ADIPOR2: variants seen among roughly 807,000 people sequenced by gnomAD.
The protein encoded by ADIPOR2 is adiponectin receptor protein 2.
ADIPOR2 carries 18 observed loss-of-function variants against 40.9 expected under a neutral mutation model. The observed-to-expected ratio is 0.44, with a 90% CI of 0.30 to 0.65. ADIPOR2 has a LOEUF of 0.65. Ranked by LOEUF, ADIPOR2 falls within the 30% of genes least tolerant of loss-of-function variation. The pLI, the probability that ADIPOR2 is intolerant of heterozygous loss-of-function variation, is 0.09. For synonymous variants in ADIPOR2, 165 were observed against 166.4 expected, an observed-to-expected ratio of 0.99 and a Z score of 0.06; for missense variants, 283 against 479.2, an observed-to-expected ratio of 0.59 and a Z score of 3.82.
intron 1 of ADIPOR2, among the ~76,000 whole-genome samples, chr12:1,700,051 A>C (rs2154441327): frequency 6.6e-6 from 1 of 152,362 alleles, no homozygotes; most frequent in Middle Eastern, 3.4e-3. Context: ...TTTTAATGGA[A>C]GACTACAACA....
chr12:1,732,343 C>G (rs927329908), intron 1 of ADIPOR2, among the ~76,000 whole-genome samples: 3 of 152,212 alleles, frequency 2.0e-5, no homozygotes, highest in Non-Finnish European at 2.9e-5. Context: ...CTGCCAACCA[C>G]TGATCTTTTT....
At chr12:1,697,939 T>A (rs1463179349) in intron 1 of ADIPOR2, 1 of 152,338 alleles carries the variant, frequency 6.6e-6, no homozygotes, top group Non-Finnish European at 1.5e-5. Context: ...GGATTTGTAG[T>A]GTATATAGTA....
intron 2 of ADIPOR2, chr12:1,757,655 A>G (rs1862167329): frequency 3.1e-6 from 4 of 1,294,646 alleles, no homozygotes; most frequent in African/African-American, 2.9e-5. Context: ...CTCACTTTGT[A>G]TTTGGCCTCC....
intron 1 of ADIPOR2, among the ~76,000 whole-genome samples, chr12:1,730,546 G>A (rs1486678870): frequency 1.3e-5 from 2 of 151,040 alleles, no homozygotes; most frequent in South Asian, 2.1e-4. Context: ...GAACCCAGGA[G>A]GCGGAGCTTG....
chr12:1,730,565 C>A (rs1194977845), intron 1 of ADIPOR2, among the ~76,000 whole-genome samples: 1 of 148,388 alleles, frequency 6.7e-6, no homozygotes, highest in Admixed American at 6.9e-5. Context: ...TGCAGTGAGC[C>A]GAGATAGTGC....
chr12:1,757,467 C>G, intron 2 of ADIPOR2: 1 of 727,180 alleles, frequency 1.4e-6, no homozygotes, highest in Admixed American at 1.9e-5. Flanking sequence ...CAGGTTAGCA[C>G]CTACAGTCAC....
intron 1 of ADIPOR2, among the ~76,000 whole-genome samples, chr12:1,709,521 G>GA (rs1451874926): frequency 1.3e-5 from 2 of 152,030 alleles, no homozygotes; most frequent in African/African-American, 4.8e-5. Flanking sequence ...TCATCTAAAA[G>GA]AAAAAAGATT....
At chr12:1,691,474 C>T (rs1592561821) in intron 1 of ADIPOR2, among the ~76,000 whole-genome samples, 2 of 152,318 alleles carry the variant, frequency 1.3e-5, no homozygotes, top group East Asian at 3.9e-4. Context: ...CTCGCCTCGC[C>T]TTTCGCGGCG....
intron 1 of ADIPOR2, among the ~76,000 whole-genome samples, chr12:1,729,614 G>GTTTT (rs1435896795): frequency 4.7e-5 from 3 of 64,182 alleles, no homozygotes; most frequent in African/African-American, 2.3e-4. Context: ...AGCTCAGCCA[G>GTTTT]TTGTTTTTTT....
chr12:1,752,538 C>T (rs543375291), intron 1 of ADIPOR2, among the ~76,000 whole-genome samples: 2 of 152,094 alleles, frequency 1.3e-5, no homozygotes, highest in African/African-American at 4.8e-5. Flanking sequence ...TTTTACTCAC[C>T]CCAGTCTTAA....
chr12:1,691,458 G>T (rs957888574), intron 1 of ADIPOR2, among the ~76,000 whole-genome samples: 1 of 152,196 alleles, frequency 6.6e-6, no homozygotes, highest in Non-Finnish European at 1.5e-5. Context: ...GGCGCCCGCT[G>T]TTCCCCTCGC....
chr12:1,775,413 G>T (rs1311861623), intron 3 of ADIPOR2, among the ~76,000 whole-genome samples: 2 of 152,152 alleles, frequency 1.3e-5, no homozygotes, highest in Non-Finnish European at 2.9e-5. Flanking sequence ...AGAAAGTATA[G>T]CTCCTTGTCT....
intron 2 of ADIPOR2, among the ~76,000 whole-genome samples, chr12:1,765,140 C>A (rs1028547826): frequency 3.3e-5 from 5 of 152,088 alleles, no homozygotes; most frequent in African/African-American, 1.2e-4. Flanking sequence ...ATGATACTCA[C>A]ATTTTAAATA....
intron 1 of ADIPOR2, among the ~76,000 whole-genome samples, chr12:1,702,390 T>C (rs1489694762): frequency 6.6e-6 from 1 of 152,222 alleles, no homozygotes; most frequent in Non-Finnish European, 1.5e-5. Flanking sequence ...TTGTCAAATT[T>C]GCTGTCACTT....
At chr12:1,754,750 T>TACTAC (rs1424151217) in intron 2 of ADIPOR2, among the ~76,000 whole-genome samples, 5 of 133,388 alleles carry the variant, frequency 3.7e-5, no homozygotes, top group Non-Finnish European at 6.8e-5. Context: ...ACTACTACTA[T>TACTAC]TGAGACGGAG....
In ADIPOR2 at chr12:1,695,033, GTT is replaced by G. The variant is rs1337852552; in HGVS notation, c.-87+3848_-87+3849del. On this transcript the variant is annotated intron_variant, in intron 1 of 7. Transcript: ENST00000357103. ...GCAGTTTTTTTTTTTTTTTTGTTTTGTTTTTTTAAGATCTCACTCTGTATCTC... is the reference window on the plus strand; with the variant it reads ...GCAGTTTTTTTTTTTTTTTTGTTTTGTTTTTAAGATCTCACTCTGTATCTC... 2.9e-3 allele frequency among the ~76,000 whole-genome samples: 195 copies of G among 67,610 alleles called. 1 individual carries two copies. The highest frequency in any genetic ancestry group is 0.019 in the Admixed American group (82 of 4,336). The allele number at this position is 67,610 out of a possible 152,430, so 44.4% of individuals were successfully genotyped here. A position where few individuals can be genotyped will look rare whatever the true frequency, so the allele number is the denominator to read the frequency against.
At chr12:1,764,398 T>C (rs890782730) in intron 2 of ADIPOR2, among the ~76,000 whole-genome samples, 1 of 152,128 alleles carries the variant, frequency 6.6e-6, no homozygotes, top group African/African-American at 2.4e-5. Context: ...GACTAGTAAA[T>C]AATTTTGAAG....
intron 1 of ADIPOR2, among the ~76,000 whole-genome samples, chr12:1,705,801 A>G (rs1291619756): frequency 1.3e-5 from 2 of 152,204 alleles, no homozygotes; most frequent in Non-Finnish European, 2.9e-5. Flanking sequence ...ACCAGTGGCT[A>G]TAATGCATTG....
intron 1 of ADIPOR2, chr12:1,702,886 T>C (rs977642370): frequency 2.0e-5 from 3 of 152,252 alleles, no homozygotes. Flanking sequence ...ATTTCTTCAG[T>C]TGATCTCCCT....
Sources: gnomAD v4.1 joint callset for allele counts (sites outside exome capture counted in the v4.1 genomes callset) on GRCh38, gnomAD v4.1.1 for gene constraint, MANE v1.5 for transcripts, NCBI Gene and HGNC (gene_info 2026-07-23, HGNC 2026-07-21) for gene names.